Variants in ITGA2B observed in about 807,000 individuals in gnomAD.
ITGA2B encodes integrin alpha-IIb.
In ITGA2B, 91 loss-of-function variants were observed where a neutral mutation model predicts 142.0. That is an observed-to-expected ratio of 0.64 (90% confidence interval 0.54 to 0.76). The LOEUF (loss-of-function observed/expected upper bound fraction) is 0.76, where lower values mean the gene tolerates loss of function less well. ITGA2B is among the 30% of genes least tolerant of loss of function. The probability of loss-of-function intolerance (pLI) is 0.00; values close to 1 mark genes in which losing one functional copy is unlikely to be tolerated. For synonymous variants in ITGA2B, 536 were observed against 567.2 expected (o/e 0.94, Z 0.78); for missense variants, 1,231 against 1,350.8 (o/e 0.91, Z 1.39).
chr17:44,374,214 C>A, intron 29 of ITGA2B, 140 bp downstream of exon 29: 1 of 794,094 alleles, frequency 1.3e-6, no homozygotes, highest in South Asian at 1.4e-5. Flanking sequence ...CCGAGAATGA[C>A]ATTCTAATAG....
At chr17:44,377,634 C>T (rs1398640877) in intron 21 of ITGA2B, 64 bp downstream of exon 21, 7 of 1,239,754 alleles carry the variant, frequency 5.6e-6, no homozygotes, top group South Asian at 4.8e-5. Flanking sequence ...AAAACCTCAC[C>T]CCTAAAATCT....
At position 44,385,716 on chromosome 17, in the gene ITGA2B, C is replaced by T. The variant is rs1046319092; in HGVS notation, c.409G>A (p.Ala137Thr). 1.2e-6 allele frequency: 2 copies of T among 1,613,498 alleles called. No homozygotes were observed. The highest frequency in any genetic ancestry group is 1.7e-6 in the Non-Finnish European group (2 of 1,180,002). Residue 137 changes from alanine to threonine, a missense_variant and splice_region_variant, in exon 4 of 30, where the codon GCC (alanine) becomes ACC (threonine). Physicochemically the swap from Ala to Thr is moderately conservative, Grantham distance 58. Transcript: ENST00000262407. ...TTCCAGTGCTGCCAGGGGGCGCAGG[C>T]CTGGAGAAAGGCCACAGGAGTGGGG... The part of the protein sequence containing the change: ...SVVSWSDVIV[A>T]CAPWQHWNVL...
rs1046478560 is a variant in ITGA2B at position 44,379,705 on chromosome 17, G to A, written c.1862C>T (p.Thr621Ile). The A allele has an allele frequency of 3.1e-6, 5 of 1,613,786 alleles. No homozygotes were observed. The highest frequency in any genetic ancestry group is 4.2e-6 in the Non-Finnish European group (5 of 1,179,960). ...MAPAVVLHGD[T>I]HVQEQTRIVL... ...TGTCCCTACCTGCTCCTGCACATGG[G>A]TGTCTCCATGCAGCACGACAGCAGG... Residue 621 changes from threonine (T) to isoleucine (I), a missense_variant, in exon 18 of 30, where the codon ACC becomes ATC. Around this residue, in one of 3 missense-constraint regions of ITGA2B, gnomAD observed 908 missense variants for 1,021.1 expected, o/e 0.89. Transcript: ENST00000262407.
chr17:44,381,431 G>T (rs1295755855), intron 12 of ITGA2B, among the ~76,000 whole-genome samples: 1 of 151,890 alleles, frequency 6.6e-6, no homozygotes, highest in Non-Finnish European at 1.5e-5. Context: ...CCCCGTTAAA[G>T]TGATTCTTGT....
At chr17:44,381,624 C>CTGGCCAT in intron 12 of ITGA2B, among the ~76,000 whole-genome samples, 1 of 151,764 alleles carries the variant, frequency 6.6e-6, no homozygotes, top group Admixed American at 6.6e-5. Context: ...GCCACCGTGC[C>CTGGCCAT]CAAGCCCCTT....
intron 21 of ITGA2B, 89 bp from the exon 22 acceptor site, chr17:44,377,177 A>G: frequency 1.1e-6 from 1 of 920,506 alleles, no homozygotes; most frequent in Non-Finnish European, 1.7e-6. Flanking sequence ...TTCACCCTCC[A>G]AGATCACCAC....
chr17:44,377,022 G>A lies in ITGA2B; in HGVS notation c.2254C>T (p.Leu752=). The A allele has an allele frequency of 6.3e-7, 1 of 1,591,918 alleles. No homozygotes were observed. The highest frequency in any genetic ancestry group is 8.5e-7 in the Non-Finnish European group (1 of 1,169,624). ...EEAGESVSFQ[L]QIRSKNSQNP... is the part of the protein sequence containing the mutation. Reference sequence around the variant, plus strand: ...CCAGGTCAGTACCTCCGTATCTGCAGCTGGAAGGACACAGACTCCCCAGCC... The same window carrying A: ...CCAGGTCAGTACCTCCGTATCTGCAACTGGAAGGACACAGACTCCCCAGCC... The change falls in exon 22 of 30, where the codon CTG becomes TTG. Residue 752 remains leucine (L), a synonymous_variant. Coordinates refer to ENST00000262407, the MANE Select transcript of ITGA2B (RefSeq NM_000419.5).
chr17:44,380,504 G>C lies in ITGA2B; in HGVS notation c.1440-14C>G. The C allele has an allele frequency of 1.2e-6, 2 of 1,613,920 alleles. No homozygotes were observed. The highest frequency in any genetic ancestry group is 1.7e-6 in the Non-Finnish European group (2 of 1,179,838). ...ACTGGCTGAGCTCTGATGGGATAGGGTGATGGGGTAGGCTTGCCATTGTGG... is the reference window on the plus strand; with the variant it reads ...ACTGGCTGAGCTCTGATGGGATAGGCTGATGGGGTAGGCTTGCCATTGTGG... On this transcript the variant is annotated splice_polypyrimidine_tract_variant and intron_variant, in intron 14 of 29. Coordinates refer to ENST00000262407, the MANE Select transcript of ITGA2B (RefSeq NM_000419.5).
chr17:44,376,904 C>A (rs994364148), intron 22 of ITGA2B, 105 bp downstream of exon 22: 5 of 883,188 alleles, frequency 5.7e-6, no homozygotes, highest in East Asian at 5.3e-5. Flanking sequence ...TGAGCCACTG[C>A]GCCTGGCCTC....
At position 44,375,698 on chromosome 17, in the gene ITGA2B, T is replaced by G; in HGVS notation, c.2620A>C (p.Ile874Leu). The change falls in exon 26 of 30, where the codon ATC becomes CTC. Residue 874 changes from isoleucine (I) to leucine (L), a missense_variant. Transcript: ENST00000262407. ...GGGTGAATGGGGGAGGGGCTGGGGA[T>G]GGGCAGCCCCCAGTCCACCTGGGGG... ...NPLKVDWGLP[I>L]PSPSPIHPAH... The G allele has an allele frequency of 2.5e-6, 4 of 1,589,486 alleles. No individual in the cohort carries two copies. Among genetic ancestry groups the G allele is most frequent in the Non-Finnish European group, 3.4e-6 (4 of 1,168,248 alleles).
At chr17:44,381,098 AT>A (rs1424278735) in intron 12 of ITGA2B, 37 bp from the exon 13 acceptor site, 1 of 1,601,806 alleles carries the variant, frequency 6.2e-7, no homozygotes, top group Non-Finnish European at 8.5e-7. Flanking sequence ...GCTGATTGTT[AT>A]TCAGCCTCCC....
chr17:44,385,755 T>C (rs1381667622), intron 3 of ITGA2B, 39 bp from the exon 4 acceptor site: 4 of 1,613,142 alleles, frequency 2.5e-6, no homozygotes, highest in Non-Finnish European at 2.5e-6. Flanking sequence ...GGCGCGAGAC[T>C]TGGGCTCCTC....
chr17:44,388,612 G>A (rs896049666), intron 1 of ITGA2B, among the ~76,000 whole-genome samples: 13 of 150,732 alleles, frequency 8.6e-5, no homozygotes, highest in African/African-American at 3.2e-4. Context: ...TCCACCTCCC[G>A]GGTTCAAGTG....
chr17:44,384,915 CG>C (rs754185795), intron 7 of ITGA2B, 32 bp downstream of exon 7: 8 of 1,613,436 alleles, frequency 5.0e-6, no homozygotes, highest in Non-Finnish European at 6.8e-6. Flanking sequence ...CGGTGACCCT[CG>C]GGGTGCTGGA....
intron 26 of ITGA2B, 189 bp downstream of exon 26, chr17:44,375,402 A>C (rs958491962): frequency 1.3e-4 from 90 of 700,628 alleles, no homozygotes; most frequent in Non-Finnish European, 2.0e-4. Flanking sequence ...GCTTTTAAAA[A>C]GTGCAAGTGT....
intron 12 of ITGA2B, among the ~76,000 whole-genome samples, chr17:44,381,810 T>G (rs906494049): frequency 6.6e-6 from 1 of 151,872 alleles, no homozygotes; most frequent in African/African-American, 2.4e-5. Context: ...AAAATTTTTA[T>G]GGAGACGAGA....
Position 44,375,862 on chromosome 17 carries a change from A to C in ITGA2B, c.2572T>G (p.Phe858Val). 1 of 1,595,806 alleles carries C rather than the reference A, an allele frequency of 6.3e-7. No individual in the cohort carries two copies. ...DIQPQGGLQC[F>V]PQPPVNPLKV... ...AGAGGGTTGACAGGAGGCTGTGGGA[A>C]GCACTGAAGGCCCCCCTGGGGCTGT... Residue 858 changes from phenylalanine (F) to valine (V), a missense_variant, in exon 25 of 30, where the codon TTC becomes GTC. By Grantham distance (50) the Phe-to-Val change is conservative. This residue lies in a region of ITGA2B where 908 missense variants were observed against 1,021.1 expected (regional missense o/e 0.89). Transcript: ENST00000262407.
In ITGA2B at chr17:44,377,075, A is replaced by G. The variant is rs1333506979; in HGVS notation, c.2201T>C (p.Met734Thr). The G allele has an allele frequency of 6.3e-7, 1 of 1,580,834 alleles. No individual in the cohort carries two copies. The highest frequency in any genetic ancestry group is 1.2e-5 in the South Asian group (1 of 86,358). Residue 734 changes from methionine to threonine, a missense_variant, in exon 22 of 30, where the codon ATG becomes ACG. This residue lies in a region of ITGA2B where 908 missense variants were observed against 1,021.1 expected (regional missense o/e 0.89). Coordinates refer to ENST00000262407, the MANE Select transcript of ITGA2B (RefSeq NM_000419.5). The part of the protein sequence containing the change: ...MKKNAQIGIA[M>T]LVSVGNLEEA... ...TTCCAGATTCCCCACGCTCACCAAC[A>G]TCGCGATTCCTATCTGGGAGATGAG...
chr17:44,375,174 C>T (rs753790795), intron 26 of ITGA2B, 63 bp from the exon 27 acceptor site: 89 of 1,419,724 alleles, frequency 6.3e-5, no homozygotes, highest in Non-Finnish European at 7.9e-5. Context: ...TCCCCCACCC[C>T]CTTACCCCCA....
Sources: allele counts gnomAD v4.1 joint callset (sites outside exome capture counted in the v4.1 genomes callset), GRCh38; gene constraint gnomAD v4.1.1; regional missense constraint gnomAD v4.1.1; transcripts MANE v1.5; gene names NCBI Gene and HGNC (gene_info 2026-07-23, HGNC 2026-07-21).